Variants in RRP1B observed in about 807,000 individuals in gnomAD.
RRP1B encodes the protein ribosomal RNA processing protein 1 homolog B.
A neutral mutation model predicts 80.2 loss-of-function variants in RRP1B; 56 were observed. The observed-to-expected ratio is 0.70, with a 90% CI of 0.56 to 0.87. RRP1B has a LOEUF of 0.87. RRP1B is among the 40% of genes least tolerant of loss of function. RRP1B has a pLI of 0.00. For missense variants in RRP1B, 807 were observed against 939.8 expected, an observed-to-expected ratio of 0.86 and a Z score of 1.85; for synonymous variants, 351 against 357.6, an observed-to-expected ratio of 0.98 and a Z score of 0.21.
In RRP1B at chr21:43,676,810, C is replaced by T. The variant is rs770600078; in HGVS notation, c.692C>T (p.Thr231Met). ...VDQSPFVPEE[T>M]MEEQKTKVGD... ...CAGTCTCCTTTTGTGCCTGAAGAGA[C>T]GATGGAGGAACAGAAGACAAAAGTG... The change falls in exon 8 of 16, where the codon ACG becomes ATG. Residue 231 changes from threonine (T) to methionine (M), a missense_variant. By Grantham distance (81) the Thr-to-Met change is moderately conservative (BLOSUM62 -1). Transcript: ENST00000340648. 2.2e-5 allele frequency: 35 copies of T among 1,614,058 alleles called. 1 individual carries two copies. The highest frequency in any genetic ancestry group is 7.7e-5 in the South Asian group (7 of 91,086).
chr21:43,668,836 G>C (rs867720051), intron 1 of RRP1B, among the ~76,000 whole-genome samples: 5 of 152,150 alleles, frequency 3.3e-5, no homozygotes, highest in Non-Finnish European at 7.4e-5. Flanking sequence ...CAAGACTTGA[G>C]GATTCTGTTT....
chr21:43,676,060 G>A (rs1048172157), intron 6 of RRP1B, among the ~76,000 whole-genome samples: 3 of 152,022 alleles, frequency 2.0e-5, no homozygotes, highest in African/African-American at 7.3e-5. Flanking sequence ...TCCAGCCACT[G>A]CACTAAGATA....
intron 8 of RRP1B, among the ~76,000 whole-genome samples, chr21:43,679,838 C>T (rs1264641477): frequency 6.6e-6 from 1 of 152,120 alleles, no homozygotes; most frequent in Non-Finnish European, 1.5e-5. Context: ...TTGTAGTTTT[C>T]CTTGTAGAGA....
chr21:43,671,162 G>T (rs1252614029), intron 2 of RRP1B, among the ~76,000 whole-genome samples: 1 of 152,112 alleles, frequency 6.6e-6, no homozygotes, highest in Non-Finnish European at 1.5e-5. Flanking sequence ...CTGCACCTCA[G>T]CAGGGCATGC....
At chr21:43,660,303 C>T (rs1032895009) in intron 1 of RRP1B, among the ~76,000 whole-genome samples, 4 of 152,248 alleles carry the variant, frequency 2.6e-5, no homozygotes, top group African/African-American at 7.2e-5. Flanking sequence ...GTGTCTCACG[C>T]ATGTAATCCC....
At chr21:43,673,003 A>G (rs2083005900) in intron 3 of RRP1B, among the ~76,000 whole-genome samples, 1 of 152,244 alleles carries the variant, frequency 6.6e-6, no homozygotes, top group Non-Finnish European at 1.5e-5. Context: ...AATAAAGCCA[A>G]AAAATCAACA....
In RRP1B at chr21:43,692,709, T is replaced by C. The variant is rs187100598; in HGVS notation, c.2084-481T>C. Among the ~76,000 whole-genome samples, 76 of 152,196 alleles carry C rather than the reference T, an allele frequency of 5.0e-4. 2 individuals are homozygous for C. Among genetic ancestry groups the C allele is most frequent in the Admixed American group, 4.8e-3 (74 of 15,296 alleles). On this transcript the variant is annotated intron_variant, in intron 15 of 15. Coordinates refer to ENST00000340648, the MANE Select transcript of RRP1B (RefSeq NM_015056.3). ...GTGAGTGTGTGTACATGCACCAGTATATATGTGTGTGTGCGTGTGCATGCA... is the reference window on the plus strand; with the variant it reads ...GTGAGTGTGTGTACATGCACCAGTACATATGTGTGTGTGCGTGTGCATGCA...
At chr21:43,681,261 C>CAGAT (rs372143608) in intron 8 of RRP1B, among the ~76,000 whole-genome samples, 15,292 of 149,688 alleles carry the variant, frequency 0.1, 801 homozygotes, top group East Asian at 0.16. Flanking sequence ...AATAAATAAA[C>CAGAT]AGATAGATAG....
intron 1 of RRP1B, among the ~76,000 whole-genome samples, chr21:43,662,150 G>A (rs896269843): frequency 3.3e-5 from 5 of 152,184 alleles, no homozygotes; most frequent in African/African-American, 4.8e-5. Flanking sequence ...CAATACTTAC[G>A]GTGCTAAGAC....
At position 43,691,637 on chromosome 21, in the gene RRP1B, AT is replaced by A. The variant is rs34380943; in HGVS notation, c.2083+151del. The A allele has an allele frequency of 0.28, 126,202 of 448,982 alleles. 9,977 individuals carry two copies. Among genetic ancestry groups the A allele is most frequent in the African/African-American group, 0.42 (19,451 of 46,828 alleles). The allele number at this position is 448,982 out of a possible 1,614,324, so 27.8% of individuals were successfully genotyped here. Reference sequence around the variant, plus strand: ...CCTCACTGCCCATTTCTTTATTTTTATTTTTTTTTTTTTTTTGAGACAGAGT... The same window carrying A: ...CCTCACTGCCCATTTCTTTATTTTTATTTTTTTTTTTTTTTGAGACAGAGT... On this transcript the variant is annotated intron_variant, in intron 15 of 15. Coordinates refer to ENST00000340648, the MANE Select transcript of RRP1B (RefSeq NM_015056.3). The surrounding 1 kb of genome is among the most constrained non-coding windows in gnomAD (Gnocchi z 4.2).
chr21:43,688,094 A>G lies in RRP1B; in HGVS notation c.1720A>G (p.Lys574Glu). 1 of 1,609,044 alleles carries G rather than the reference A, an allele frequency of 6.2e-7. No homozygotes were observed. The highest frequency in any genetic ancestry group is 8.5e-7 in the Non-Finnish European group (1 of 1,178,106). ...CCAGCGCAGGAGGCTGCAGAAAAAGAAGGCAGGGCCCGGCAGCCTGGAGCT... is the reference window on the plus strand; with the variant it reads ...CCAGCGCAGGAGGCTGCAGAAAAAGGAGGCAGGGCCCGGCAGCCTGGAGCT... ...LPQRRRLQKK[K>E]AGPGSLELCG... is the part of the protein sequence containing the mutation. Residue 574 changes from lysine to glutamate, a missense_variant, in exon 13 of 16, where the codon AAG becomes GAG. Physicochemically the swap from Lys to Glu is moderately conservative, Grantham distance 56 (BLOSUM62 1). Coordinates refer to ENST00000340648, the MANE Select transcript of RRP1B (RefSeq NM_015056.3).
chr21:43,687,403 T>C (rs2083067414), intron 12 of RRP1B, 113 bp from the exon 13 acceptor site: 1 of 1,260,416 alleles, frequency 7.9e-7, no homozygotes, highest in Non-Finnish European at 1.1e-6. Flanking sequence ...GGAACTTTCC[T>C]CGTGGTAGAA....
At chr21:43,685,272 G>A (rs1038007506) in intron 10 of RRP1B, among the ~76,000 whole-genome samples, 3 of 152,294 alleles carry the variant, frequency 2.0e-5, no homozygotes, top group East Asian at 1.9e-4. Context: ...TAGGGCACAG[G>A]ATGGTCCTAG....
At chr21:43,677,077 C>CT (rs2083025769) in intron 8 of RRP1B, among the ~76,000 whole-genome samples, 163 bp downstream of exon 8, 1 of 152,122 alleles carries the variant, frequency 6.6e-6, no homozygotes, top group South Asian at 2.1e-4. Flanking sequence ...TTCATTGTGC[C>CT]TGGGGGGTGC....
rs1297406283 is a variant in RRP1B at position 43,675,039 on chromosome 21, T to C, written c.425T>C (p.Ile142Thr). The change falls in exon 6 of 16, where the codon ATC (isoleucine) becomes ACC (threonine). Residue 142 changes from isoleucine to threonine, a missense_variant. Transcript: ENST00000340648. ...GCATGCGTTTGGTTCTTTAGCCGAA[T>C]CAAGGTTTTCTTGGATGTCCTGATG... Reference protein sequence around the residue: ...LKRNGWEESRIKVFLDVLMKE... With the variant: ...LKRNGWEESRTKVFLDVLMKE... The C allele has an allele frequency of 6.2e-7, 1 of 1,613,922 alleles. No individual in the cohort carries two copies. Among genetic ancestry groups the C allele is most frequent in the Non-Finnish European group, 8.5e-7 (1 of 1,179,952 alleles).
At chr21:43,682,091 A>AC (rs2083045802) in intron 8 of RRP1B, among the ~76,000 whole-genome samples, 1 of 152,172 alleles carries the variant, frequency 6.6e-6, no homozygotes, top group African/African-American at 2.4e-5. Flanking sequence ...ACATAATGAG[A>AC]CCCCCATCTC....
At chr21:43,683,080 C>T (rs2083049863) in intron 8 of RRP1B, among the ~76,000 whole-genome samples, 199 bp from the exon 9 acceptor site, 1 of 152,044 alleles carries the variant, frequency 6.6e-6, no homozygotes, top group Non-Finnish European at 1.5e-5. Flanking sequence ...GCCATGTTGC[C>T]CAGGCTGATC....
chr21:43,673,928 C>T lies in RRP1B; in HGVS notation c.330C>T (p.Asp110=). 6.2e-7 allele frequency: 1 copy of T among 1,613,202 alleles called. No individual in the cohort carries two copies. Among genetic ancestry groups the T allele is most frequent in the African/African-American group, 1.3e-5 (1 of 75,062 alleles). Residue 110 remains aspartate (D), a synonymous_variant, in exon 4 of 16, where the codon GAC becomes GAT. Transcript: ENST00000340648. ...TGAATCGAGAATGGAAAGGAATAGA[C>T]AGGCTACGCCTGGACAAATACTATA... ...QTMNREWKGI[D]RLRLDKYYML...
At chr21:43,686,739 T>C in intron 11 of RRP1B, 65 bp from the exon 12 acceptor site, 1 of 1,595,960 alleles carries the variant, frequency 6.3e-7, no homozygotes, top group Non-Finnish European at 8.6e-7. Context: ...GGTGCTGCTC[T>C]TAGGCCCCTG....
Sources: allele counts gnomAD v4.1 joint callset (sites outside exome capture counted in the v4.1 genomes callset), GRCh38; gene constraint gnomAD v4.1.1; non-coding constraint Gnocchi (gnomAD v3.1); transcripts MANE v1.5; gene names NCBI Gene and HGNC (gene_info 2026-07-23, HGNC 2026-07-21).